The following CLMN variants were observed in gnomAD, a reference collection of about 807,000 sequenced individuals.
The protein encoded by CLMN is calmin.
In CLMN, 57 loss-of-function variants were observed where a neutral mutation model predicts 92.7. That is an observed-to-expected ratio of 0.61 (90% confidence interval 0.50 to 0.77). The LOEUF (loss-of-function observed/expected upper bound fraction) is 0.77, where lower values mean the gene tolerates loss of function less well. Ranked by LOEUF, CLMN falls within the 30% of genes least tolerant of loss-of-function variation. The probability of loss-of-function intolerance (pLI) is 0.00; values close to 1 mark genes in which losing one functional copy is unlikely to be tolerated. For synonymous variants in CLMN, 466 were observed against 470.6 expected (o/e 0.99, Z 0.13); for missense variants, 1,158 against 1,237.5 (o/e 0.94, Z 0.96).
chr14:95,271,028 T>C (rs1306246137), intron 1 of CLMN, among the ~76,000 whole-genome samples: 2 of 152,246 alleles, frequency 1.3e-5, no homozygotes, highest in African/African-American at 2.4e-5. Flanking sequence ...TGGCATATCA[T>C]TATTAAGTGG....
chr14:95,196,557 T>G lies in CLMN; in HGVS notation c.2649A>C (p.Gly883=). 2 of 1,614,246 alleles carry G rather than the reference T, an allele frequency of 1.2e-6. No homozygotes were observed. Among genetic ancestry groups the G allele is most frequent in the Non-Finnish European group, 1.7e-6 (2 of 1,180,032 alleles). ...CTAGGTCATCTGAGGATTGAACACT[T>G]CCTGGTGCTACAAATAGTGAACTTT... ...HVESSLFVAP[G]SVQSSDDLEE... Residue 883 remains glycine, a synonymous_variant, in exon 10 of 13, where the codon GGA becomes GGC. Coordinates refer to ENST00000298912, the MANE Select transcript of CLMN (RefSeq NM_024734.4).
At chr14:95,242,153 GA>G (rs113794731) in intron 1 of CLMN, among the ~76,000 whole-genome samples, 21,682 of 142,774 alleles carry the variant, frequency 0.15, 2,789 homozygotes, top group African/African-American at 0.35. Context: ...GGGGAAATTT[GA>G]AAAAAAAAAA....
chr14:95,289,890 C>T (rs1167502094), intron 1 of CLMN, among the ~76,000 whole-genome samples: 1 of 152,222 alleles, frequency 6.6e-6, no homozygotes, highest in African/African-American at 2.4e-5. Flanking sequence ...CAGGGGCCAG[C>T]TTGTCACCTC....
chr14:95,292,040 C>G (rs1180859337), intron 1 of CLMN, among the ~76,000 whole-genome samples: 2 of 152,254 alleles, frequency 1.3e-5, no homozygotes, highest in Non-Finnish European at 2.9e-5. Context: ...ACGTCCTCAT[C>G]TGGCCTCACT....
Position 95,187,553 on chromosome 14 carries a change from TC to T in CLMN, c.*4010del, listed in dbSNP as rs1004889919. 2 of 152,074 alleles carry T rather than the reference TC, an allele frequency of 1.3e-5. No individual in the cohort carries two copies. The highest frequency in any genetic ancestry group is 4.8e-5 in the African/African-American group (2 of 41,368). 9.4% of individuals were successfully genotyped at this position (152,074 alleles called of 1,614,324 possible). On this transcript the variant is annotated 3_prime_UTR_variant, in exon 13 of 13. Transcript: ENST00000298912. ...ACCAGGGCATTTATTGGCTCTGAGGTCCCCTGTCCTTCCCATGCAGCCAGAT... is the reference window on the plus strand; with the variant it reads ...ACCAGGGCATTTATTGGCTCTGAGGTCCCTGTCCTTCCCATGCAGCCAGAT...
intron 1 of CLMN, among the ~76,000 whole-genome samples, chr14:95,269,900 G>A (rs1357036203): frequency 6.6e-6 from 1 of 151,722 alleles, no homozygotes; most frequent in Non-Finnish European, 1.5e-5. Context: ...CAGGCTGGAG[G>A]TTGGTGCCTG....
At position 95,182,301 on chromosome 14, in the gene CLMN, T is replaced by C. The variant is rs1281737845; in HGVS notation, c.*9263A>G. 1 of 152,218 alleles carries C rather than the reference T, an allele frequency of 6.6e-6. No homozygotes were observed. Among genetic ancestry groups the C allele is most frequent in the East Asian group, 1.9e-4 (1 of 5,208 alleles). The allele number at this position is 152,218 out of a possible 1,614,324, so 9.4% of individuals were successfully genotyped here. ...CTTTCAGACATAGTCAATTAAGCCC[T>C]GCACAATAAGGAAACATTCAATCTG... On this transcript the variant is annotated 3_prime_UTR_variant, in exon 13 of 13. Coordinates refer to ENST00000298912, the MANE Select transcript of CLMN (RefSeq NM_024734.4).
At chr14:95,266,091 A>G (rs973894490) in intron 1 of CLMN, among the ~76,000 whole-genome samples, 4 of 152,242 alleles carry the variant, frequency 2.6e-5, no homozygotes, top group African/African-American at 4.8e-5. Flanking sequence ...ACAAATGCGT[A>G]TCTAAAAGTA....
chr14:95,263,598 T>C (rs1899347690), intron 1 of CLMN, among the ~76,000 whole-genome samples: 1 of 152,182 alleles, frequency 6.6e-6, no homozygotes. Context: ...AGTTTGGCAA[T>C]GGAGCCCTAA....
At chr14:95,289,518 C>G (rs866600623) in intron 1 of CLMN, among the ~76,000 whole-genome samples, 2 of 137,576 alleles carry the variant, frequency 1.5e-5, no homozygotes, top group African/African-American at 5.3e-5. Context: ...AACAAACAAA[C>G]AAACAAAAAA....
At chr14:95,293,379 T>C in intron 1 of CLMN, among the ~76,000 whole-genome samples, 1 of 112,556 alleles carries the variant, frequency 8.9e-6, no homozygotes, top group Non-Finnish European at 1.8e-5. Flanking sequence ...CTTCCTTCCC[T>C]CCCTCCTTCC....
rs996466200 is a variant in CLMN, at chr14:95,283,299, G to T, written c.82+36412C>A. 2.0e-5 allele frequency among the ~76,000 whole-genome samples: 3 copies of T among 152,142 alleles called. No individual in the cohort carries two copies. The East Asian group carries it at 5.8e-4, about 29-fold the overall frequency. On this transcript the variant is annotated intron_variant, in intron 1 of 12. Transcript: ENST00000298912. ...CTTTCACCTTCCGCCACGATGCTGA[G>T]GCCTCCCCAGCCATGTGGAACTGTA...
intron 1 of CLMN, among the ~76,000 whole-genome samples, chr14:95,302,512 A>G (rs1374968748): frequency 6.6e-6 from 1 of 152,230 alleles, no homozygotes; most frequent in African/African-American, 2.4e-5. Flanking sequence ...TATATTTTTA[A>G]TCTACTATAT....
chr14:95,208,071 G>C (rs1402937910), intron 8 of CLMN, among the ~76,000 whole-genome samples: 1 of 151,098 alleles, frequency 6.6e-6, no homozygotes, highest in Admixed American at 6.6e-5. Context: ...CAGAGACACA[G>C]GGGCAAGGCA....
At chr14:95,247,015 T>G (rs1398179428) in intron 1 of CLMN, among the ~76,000 whole-genome samples, 1 of 152,178 alleles carries the variant, frequency 6.6e-6, no homozygotes, top group Non-Finnish European at 1.5e-5. Context: ...TTCACAGTAC[T>G]GATCAGGCTG....
intron 1 of CLMN, among the ~76,000 whole-genome samples, chr14:95,284,664 G>A (rs1245680771): frequency 1.3e-5 from 2 of 152,008 alleles, no homozygotes; most frequent in Non-Finnish European, 2.9e-5. Context: ...GACTTGCACA[G>A]GCCCTGTAAC....
At chr14:95,281,123 A>G (rs1900129639) in intron 1 of CLMN, among the ~76,000 whole-genome samples, 1 of 152,228 alleles carries the variant, frequency 6.6e-6, no homozygotes, top group African/African-American at 2.4e-5. Context: ...CAGAACTAAT[A>G]AAAGTTCTGA....
At chr14:95,210,343 C>G (rs1474958708) in intron 7 of CLMN, among the ~76,000 whole-genome samples, 1 of 152,146 alleles carries the variant, frequency 6.6e-6, no homozygotes, top group Non-Finnish European at 1.5e-5. Context: ...TGAGCCACCA[C>G]GCCCAGCCAC....
chr14:95,284,378 T>C (rs1303459467), intron 1 of CLMN, among the ~76,000 whole-genome samples: 1 of 152,198 alleles, frequency 6.6e-6, no homozygotes, highest in African/African-American at 2.4e-5. Flanking sequence ...ACAGAGTCCC[T>C]ACTGGGGCAC....
Sources: gnomAD v4.1 joint callset for allele counts (sites outside exome capture counted in the v4.1 genomes callset) on GRCh38, gnomAD v4.1.1 for gene constraint, MANE v1.5 for transcripts, NCBI Gene and HGNC (gene_info 2026-07-23, HGNC 2026-07-21) for gene names.